ATPAF1: variants seen among roughly 807,000 people sequenced by gnomAD.
ATPAF1 encodes the protein homolog of yeast ATP11.
ATPAF1 carries 26 observed loss-of-function variants against 43.9 expected under a neutral mutation model. The observed-to-expected ratio is 0.59, with a 90% CI of 0.43 to 0.82. ATPAF1 has a LOEUF of 0.82. Ranked by LOEUF, ATPAF1 falls within the 40% of genes least tolerant of loss-of-function variation. ATPAF1 has a pLI of 0.00. For synonymous variants in ATPAF1, 157 were observed against 168.0 expected, an observed-to-expected ratio of 0.93 and a Z score of 0.50; for missense variants, 366 against 435.0, an observed-to-expected ratio of 0.84 and a Z score of 1.41.
chr1:46,659,735 C>A (rs1489841353), intron 2 of ATPAF1, among the ~76,000 whole-genome samples: 2 of 152,128 alleles, frequency 1.3e-5, no homozygotes, highest in Non-Finnish European at 2.9e-5. Context: ...CATTCGACAC[C>A]TGGGATTCTG....
rs758830832 is a variant in ATPAF1 at position 46,668,151 on chromosome 1, C to G, written c.172G>C (p.Gly58Arg). Residue 58 changes from glycine to arginine, a missense_variant, in exon 1 of 9, where the codon GGG (glycine) becomes CGG (arginine). This residue lies in a region of ATPAF1 where 186 missense variants were observed against 168.5 expected (regional missense o/e 1.10). Coordinates refer to ENST00000574428, the Ensembl canonical transcript of ATPAF1. This position sits in a 1 kb window ranked among gnomAD's most constrained non-coding sequence, Gnocchi z 4.4. ...CCGACCCCGCTGCTGTCGGCGCCCC[C>G]CTCGGGCCGGCCCGAGCCGGGGCGC... 22 of 1,404,898 alleles carry G rather than the reference C, an allele frequency of 1.6e-5. No homozygotes were observed. Among genetic ancestry groups the G allele is most frequent in the Admixed American group, 1.3e-4 (4 of 31,532 alleles). 87.0% of individuals were successfully genotyped at this position (1,404,898 alleles called of 1,614,324 possible).
chr1:46,660,234 C>T (rs1320991401), intron 2 of ATPAF1, among the ~76,000 whole-genome samples: 1 of 152,136 alleles, frequency 6.6e-6, no homozygotes, highest in East Asian at 1.9e-4. Flanking sequence ...GCTTCGGCCT[C>T]CCAAAGTGTT....
chr1:46,663,758 T>C lies in ATPAF1; in HGVS notation c.375+1498A>G, dbSNP rs563949609. The C allele has an allele frequency of 1.1e-4, 102 of 892,298 alleles. No individual in the cohort carries two copies. The African/African-American group carries it at 1.7e-3, about 15-fold the overall frequency. The allele number at this position is 892,298 out of a possible 1,614,324, so 55.3% of individuals were successfully genotyped here. ...CAGGATACCCAAGGCAAAAAAAGTA[T>C]TTTCCAAGTAAAATAAACACCTCTA... On this transcript the variant is annotated intron_variant, in intron 2 of 8. Transcript: ENST00000574428.
At chr1:46,647,867 G>A (rs893142080) in intron 6 of ATPAF1, among the ~76,000 whole-genome samples, 6 of 152,176 alleles carry the variant, frequency 3.9e-5, no homozygotes, top group African/African-American at 9.7e-5. Context: ...GTATCTCACT[G>A]TAGTAATTTG....
intron 7 of ATPAF1, among the ~76,000 whole-genome samples, chr1:46,643,655 T>C (rs1225970873): frequency 6.6e-6 from 1 of 152,228 alleles, no homozygotes. Flanking sequence ...ATTGCCACTT[T>C]CATGGACTAG....
At chr1:46,667,927 A>G (rs1676518610) in intron 1 of ATPAF1, 130 bp downstream of exon 1, 3 of 708,560 alleles carry the variant, frequency 4.2e-6, no homozygotes, top group African/African-American at 1.9e-5. Flanking sequence ...AGCCTCGCGG[A>G]GCCTGGCTAC....
At chr1:46,648,268 C>T (rs139090168) in intron 6 of ATPAF1, among the ~76,000 whole-genome samples, 7 of 152,248 alleles carry the variant, frequency 4.6e-5, no homozygotes, top group Non-Finnish European at 5.9e-5. Context: ...CACACCACCA[C>T]GCCTAGCTAA....
Position 46,668,083 on chromosome 1 carries a change from G to A in ATPAF1, c.240C>T (p.Tyr80=). 6.9e-7 allele frequency: 1 copy of A among 1,450,404 alleles called. No homozygotes were observed. The highest frequency in any genetic ancestry group is 9.1e-7 in the Non-Finnish European group (1 of 1,099,158). The allele number at this position is 1,450,404 out of a possible 1,614,324, so 89.8% of individuals were successfully genotyped here. ...TGCGCAGCAGCTGGATCTTGTCGCG[G>A]TAGCGGTCGTAGAAAGGGTTGGCCT... is the stretch of plus-strand genomic sequence containing the variant. Residue 80 remains tyrosine (Y), a synonymous_variant, in exon 1 of 9, where the codon TAC becomes TAT. Coordinates refer to ENST00000574428, the Ensembl canonical transcript of ATPAF1. The surrounding 1 kb of genome is among the most constrained non-coding windows in gnomAD (Gnocchi z 4.4).
chr1:46,634,432 A>G (rs1428504063), downstream of ATPAF1: 1 of 153,194 alleles, frequency 6.5e-6, no homozygotes, highest in African/African-American at 2.4e-5. Context: ...CCTGGCCAAC[A>G]AAGTGAAACC....
chr1:46,665,844 G>C (rs778400955), intron 1 of ATPAF1: 1 of 1,426,048 alleles, frequency 7.0e-7, no homozygotes, highest in Non-Finnish European at 9.1e-7. Context: ...TTTTGCAGAA[G>C]ATTTAGCATC....
At chr1:46,648,459 G>T (rs1167647049) in intron 6 of ATPAF1, among the ~76,000 whole-genome samples, 1 of 152,024 alleles carries the variant, frequency 6.6e-6, no homozygotes, top group African/African-American at 2.4e-5. Context: ...TCCGGTCTGG[G>T]CTCACTATAA....
chr1:46,667,948 G>C (rs1185373536), intron 1 of ATPAF1, 109 bp downstream of exon 1: 2 of 873,066 alleles, frequency 2.3e-6, no homozygotes, highest in Non-Finnish European at 3.0e-6. Context: ...ATCATCTGAA[G>C]AGCTGGGACA....
upstream of ATPAF1, chr1:46,668,446 G>C: frequency 8.8e-7 from 1 of 1,141,706 alleles, no homozygotes; most frequent in South Asian, 4.3e-5. The surrounding 1 kb of genome is among the most constrained non-coding windows in gnomAD (Gnocchi z 4.4). Flanking sequence ...GCGCGCCCAA[G>C]GTTCCGGGCG....
chr1:46,665,613 G>T (rs7416468), intron 1 of ATPAF1: 1 of 1,491,680 alleles, frequency 6.7e-7, no homozygotes, highest in Non-Finnish European at 9.0e-7. Context: ...CTGTTCCCTA[G>T]GTTTACACAG....
At chr1:46,652,205 C>CAA (rs10718568) in intron 6 of ATPAF1, among the ~76,000 whole-genome samples, 21 of 109,774 alleles carry the variant, frequency 1.9e-4, no homozygotes, top group African/African-American at 5.5e-4. Context: ...ATAATAAAAG[C>CAA]AAAAAAAAAA....
chr1:46,664,107 A>G (rs1305220165), intron 2 of ATPAF1, among the ~76,000 whole-genome samples: 1 of 152,208 alleles, frequency 6.6e-6, no homozygotes, highest in African/African-American at 2.4e-5. Context: ...CTGAATTGCA[A>G]TGTAAAATAT....
At chr1:46,667,418 G>A (rs558426398) in intron 1 of ATPAF1, among the ~76,000 whole-genome samples, 3 of 152,086 alleles carry the variant, frequency 2.0e-5, no homozygotes, top group Non-Finnish European at 4.4e-5. Flanking sequence ...TGCACCTTAA[G>A]CCCCTCTAAG....
intron 4 of ATPAF1, among the ~76,000 whole-genome samples, chr1:46,656,856 T>TCA (rs1213899258): frequency 2.0e-5 from 3 of 152,210 alleles, no homozygotes; most frequent in Admixed American, 2.0e-4. Flanking sequence ...CCTGTGCTGA[T>TCA]CTGATCCGTT....
chr1:46,633,121 G>A (rs553946089), downstream of ATPAF1: 1 of 152,924 alleles, frequency 6.5e-6, no homozygotes, highest in East Asian at 1.9e-4. Flanking sequence ...ACATATTCTT[G>A]ATTTAGTACG....
Sources: allele counts gnomAD v4.1 joint callset (sites outside exome capture counted in the v4.1 genomes callset), GRCh38; gene constraint gnomAD v4.1.1; regional missense constraint gnomAD v4.1.1; non-coding constraint Gnocchi (gnomAD v3.1); transcripts MANE v1.5; gene names NCBI Gene and HGNC (gene_info 2026-07-23, HGNC 2026-07-21).